The following REC114 variants were observed in gnomAD, a reference collection of about 807,000 sequenced individuals.
REC114 encodes the protein meiotic recombination protein REC114.
A neutral mutation model predicts 31.3 loss-of-function variants in REC114; 27 were observed. The observed-to-expected ratio is 0.86, with a 90% CI of 0.64 to 1.19. The LOEUF is 1.19. Ranked by LOEUF, REC114 falls within the 50% of genes most tolerant of loss-of-function variation. The pLI, the probability that REC114 is intolerant of heterozygous loss-of-function variation, is 0.00. For missense variants in REC114, 344 were observed against 326.9 expected, an observed-to-expected ratio of 1.05 and a Z score of -0.40; for synonymous variants, 134 against 127.7, an observed-to-expected ratio of 1.05 and a Z score of -0.33.
At chr15:73,456,556 T>C (rs1046106968) in intron 1 of REC114, among the ~76,000 whole-genome samples, 1 of 152,198 alleles carries the variant, frequency 6.6e-6, no homozygotes, top group South Asian at 2.1e-4. Context: ...ATATGATAGA[T>C]GCTCAGTAAA....
At chr15:73,443,420 C>T (rs1327660987) in intron 1 of REC114, 76 bp downstream of exon 1, 2 of 1,446,524 alleles carry the variant, frequency 1.4e-6, no homozygotes, top group Non-Finnish European at 1.8e-6. Context: ...TACACTGGGC[C>T]AGTGCCCCGA....
intron 1 of REC114, among the ~76,000 whole-genome samples, chr15:73,449,613 C>T (rs751964536): frequency 4.6e-5 from 7 of 151,966 alleles, no homozygotes; most frequent in African/African-American, 9.7e-5. Context: ...CTAGCAAGGC[C>T]GGCCAACATT....
chr15:73,556,450 T>C, intron 5 of REC114, 59 bp downstream of exon 5: 1 of 1,366,518 alleles, frequency 7.3e-7, no homozygotes, highest in Non-Finnish European at 1.0e-6. Context: ...CCCTAAGAAT[T>C]TGTATCCCTT....
At chr15:73,516,816 G>A (rs1399635572) in intron 2 of REC114, among the ~76,000 whole-genome samples, 2 of 152,044 alleles carry the variant, frequency 1.3e-5, no homozygotes, top group East Asian at 1.9e-4. Context: ...TAGTAGAGAT[G>A]GGGTTTTACC....
rs903992927 is a variant in REC114 at position 73,511,129 on chromosome 15, T to C, written c.250-29356T>C. Among the ~76,000 whole-genome samples the C allele has an allele frequency of 2.1e-3, 313 of 152,120 alleles. 1 individual carries two copies. Among genetic ancestry groups the C allele is most frequent in the African/African-American group, 6.5e-3 (269 of 41,506 alleles). ...ATTGCCACAATTTCAGCTCCTGTTA[T>C]TGGTCTATTCAGAGATTCAACTTCT... is the stretch of plus-strand genomic sequence containing the variant. On this transcript the variant is annotated intron_variant, in intron 2 of 5. Coordinates refer to ENST00000331090, the MANE Select transcript of REC114 (RefSeq NM_001042367.2).
At chr15:73,556,267 A>AT in intron 4 of REC114, 35 bp from the exon 5 acceptor site, 1 of 1,560,276 alleles carries the variant, frequency 6.4e-7, no homozygotes, top group Non-Finnish European at 8.8e-7. Flanking sequence ...GATTACATTC[A>AT]GCTAGTCTCC....
chr15:73,517,979 A>T (rs1382403999), intron 2 of REC114, among the ~76,000 whole-genome samples: 1 of 152,220 alleles, frequency 6.6e-6, no homozygotes, highest in Non-Finnish European at 1.5e-5. Context: ...AAAAGCCAAG[A>T]CAAATGTTTC....
intron 4 of REC114, 26 bp from the exon 5 acceptor site, chr15:73,556,273 TCTC>T (rs765219966): frequency 4.4e-6 from 7 of 1,581,534 alleles, no homozygotes; most frequent in Non-Finnish European, 5.2e-6. Flanking sequence ...ATTCAGCTAG[TCTC>T]CTTATTGCAT....
At chr15:73,464,578 A>G (rs1020772967) in intron 1 of REC114, among the ~76,000 whole-genome samples, 2 of 152,116 alleles carry the variant, frequency 1.3e-5, no homozygotes, top group East Asian at 1.9e-4. Context: ...TGCAGAAGTC[A>G]CAGTGCTGTG....
chr15:73,548,958 A>T (rs547421577), intron 3 of REC114, among the ~76,000 whole-genome samples: 1 of 152,226 alleles, frequency 6.6e-6, no homozygotes, highest in Non-Finnish European at 1.5e-5. Context: ...GTTCTCACTT[A>T]TAAGTGGGAG....
intron 3 of REC114, among the ~76,000 whole-genome samples, chr15:73,548,276 T>C (rs1894338277): frequency 6.6e-6 from 1 of 152,166 alleles, no homozygotes; most frequent in East Asian, 1.9e-4. Context: ...GCCCAGCTAA[T>C]TATTGTATTT....
At chr15:73,487,547 G>A in intron 2 of REC114, among the ~76,000 whole-genome samples, 1 of 152,230 alleles carries the variant, frequency 6.6e-6, no homozygotes, top group East Asian at 1.9e-4. Context: ...AGTCTTGAGA[G>A]TAATCTTCTT....
intron 2 of REC114, among the ~76,000 whole-genome samples, chr15:73,508,030 T>A (rs1304148840): frequency 6.6e-6 from 1 of 152,184 alleles, no homozygotes; most frequent in African/African-American, 2.4e-5. Context: ...ATCTTGTATT[T>A]GCTGTGTTGT....
chr15:73,482,390 C>T (rs969896824), intron 2 of REC114, among the ~76,000 whole-genome samples: 67 of 152,142 alleles, frequency 4.4e-4, no homozygotes, highest in African/African-American at 1.5e-3. Flanking sequence ...TCTTGCCATG[C>T]GACATGCCTC....
chr15:73,449,839 G>T (rs1033029206), intron 1 of REC114, among the ~76,000 whole-genome samples: 3 of 152,180 alleles, frequency 2.0e-5, no homozygotes, highest in Admixed American at 6.5e-5. Flanking sequence ...GTGAGGGCCA[G>T]TATTCAATAT....
At chr15:73,459,720 C>T (rs534340556) in intron 1 of REC114, among the ~76,000 whole-genome samples, 1 of 152,330 alleles carries the variant, frequency 6.6e-6, no homozygotes, top group African/African-American at 2.4e-5. Context: ...GCAGAACCAA[C>T]TGTCATGGGC....
chr15:73,505,325 C>T (rs987182199), intron 2 of REC114, among the ~76,000 whole-genome samples: 12 of 152,136 alleles, frequency 7.9e-5, no homozygotes, highest in African/African-American at 2.9e-4. Context: ...TGGTCAGGCT[C>T]TACCATGTGT....
intron 2 of REC114, among the ~76,000 whole-genome samples, chr15:73,477,662 C>T (rs1353286132): frequency 6.6e-6 from 1 of 152,154 alleles, no homozygotes; most frequent in African/African-American, 2.4e-5. Context: ...AGGCGATCCT[C>T]TCACCTCAGC....
intron 2 of REC114, among the ~76,000 whole-genome samples, chr15:73,521,148 G>T: frequency 6.6e-6 from 1 of 152,242 alleles, no homozygotes; most frequent in East Asian, 1.9e-4. Context: ...AAATACTTAA[G>T]AAACGGACAA....
Sources: allele counts gnomAD v4.1 joint callset (sites outside exome capture counted in the v4.1 genomes callset), GRCh38; gene constraint gnomAD v4.1.1; transcripts MANE v1.5; gene names NCBI Gene and HGNC (gene_info 2026-07-23, HGNC 2026-07-21).